FSIP1: variants seen among roughly 807,000 people sequenced by gnomAD.
FSIP1 encodes the protein fibrous sheath-interacting protein 1.
In FSIP1, 65 loss-of-function variants were observed where a neutral mutation model predicts 60.9. The observed-to-expected ratio is 1.07, with a 90% CI of 0.87 to 1.31. The LOEUF (loss-of-function observed/expected upper bound fraction) is 1.31. FSIP1 is among the 40% of genes most tolerant of loss of function. The pLI is 0.00. For synonymous variants in FSIP1, 209 were observed against 221.2 expected, an observed-to-expected ratio of 0.94 and a Z score of 0.49; for missense variants, 675 against 665.5, an observed-to-expected ratio of 1.01 and a Z score of -0.16.
intron 11 of FSIP1, among the ~76,000 whole-genome samples, chr15:39,605,902 G>C (rs950020632): frequency 6.6e-6 from 1 of 152,024 alleles, no homozygotes; most frequent in Non-Finnish European, 1.5e-5. Flanking sequence ...AAGGTGTAGA[G>C]GAGAGAGAGA....
rs140457204 is a variant in FSIP1, at chr15:39,676,820, T to C, written c.1188+36624A>G. Among the ~76,000 whole-genome samples the C allele has an allele frequency of 9.9e-5, 15 of 151,678 alleles. No homozygotes were observed. In the East Asian group the frequency reaches 2.3e-3, roughly 23 times the overall value. On this transcript the variant is annotated intron_variant, in intron 10 of 11. Coordinates refer to ENST00000350221, the MANE Select transcript of FSIP1 (RefSeq NM_152597.5). ...AAAATTAAATGTAACAGGATTACCATGAGTTTTCACTTACTATAGGTATTT... is the reference window on the plus strand; with the variant it reads ...AAAATTAAATGTAACAGGATTACCACGAGTTTTCACTTACTATAGGTATTT...
chr15:39,718,762 G>T (rs928905832), intron 9 of FSIP1, among the ~76,000 whole-genome samples: 1 of 152,158 alleles, frequency 6.6e-6, no homozygotes, highest in Non-Finnish European at 1.5e-5. Flanking sequence ...CTCTCAAAGT[G>T]CTGGGATTAC....
At chr15:39,604,086 C>T (rs1890737774) in intron 11 of FSIP1, among the ~76,000 whole-genome samples, 2 of 152,224 alleles carry the variant, frequency 1.3e-5, no homozygotes, top group Admixed American at 1.3e-4. Flanking sequence ...CATGCACCAC[C>T]ATACCCGGCT....
Position 39,775,534 on chromosome 15 carries a change from A to G in FSIP1, c.126+865T>C, listed in dbSNP as rs2140732058. ...CTGAAGAAAAAAAAAATAAGGTCAC[A>G]GCCAGATAATATCTGATATGTTTTG... On this transcript the variant is annotated intron_variant, in intron 2 of 11. Coordinates refer to ENST00000350221, the MANE Select transcript of FSIP1 (RefSeq NM_152597.5). 2.0e-5 allele frequency among the ~76,000 whole-genome samples: 3 copies of G among 152,328 alleles called. No homozygotes were observed. The South Asian group carries it at 6.2e-4, about 32-fold the overall frequency.
chr15:39,648,819 C>A (rs1240361621), intron 10 of FSIP1, among the ~76,000 whole-genome samples: 1 of 152,072 alleles, frequency 6.6e-6, no homozygotes, highest in East Asian at 1.9e-4. Context: ...AAGATGACCC[C>A]TTCAAATAAT....
chr15:39,605,068 C>T (rs926844559), intron 11 of FSIP1, among the ~76,000 whole-genome samples: 1 of 152,194 alleles, frequency 6.6e-6, no homozygotes, highest in African/African-American at 2.4e-5. Context: ...AGGCCTCATC[C>T]AGCAAGTTAC....
At chr15:39,762,777 G>T (rs1897546727) in intron 5 of FSIP1, among the ~76,000 whole-genome samples, 1 of 152,136 alleles carries the variant, frequency 6.6e-6, no homozygotes, top group Admixed American at 6.5e-5. Flanking sequence ...GTTGTTCCAG[G>T]ATAGCCAAGA....
intron 1 of FSIP1, among the ~76,000 whole-genome samples, chr15:39,778,657 T>C (rs755512026): frequency 8.5e-5 from 13 of 152,154 alleles, no homozygotes; most frequent in Non-Finnish European, 1.6e-4. Context: ...TACGTAAGCA[T>C]TGAATGTTGA....
At chr15:39,736,444 T>G (rs902505846) in intron 8 of FSIP1, among the ~76,000 whole-genome samples, 1 of 152,212 alleles carries the variant, frequency 6.6e-6, no homozygotes, top group Non-Finnish European at 1.5e-5. Flanking sequence ...CACACAGAAC[T>G]TTTTTAAATA....
At chr15:39,705,324 TA>T (rs891027660) in intron 10 of FSIP1, among the ~76,000 whole-genome samples, 2 of 151,830 alleles carry the variant, frequency 1.3e-5, no homozygotes, top group African/African-American at 4.8e-5. Flanking sequence ...CTTTATTTTT[TA>T]AAAAAAACAA....
intron 10 of FSIP1, among the ~76,000 whole-genome samples, chr15:39,682,432 G>T (rs567775118): frequency 3.9e-5 from 6 of 152,096 alleles, no homozygotes; most frequent in South Asian, 2.1e-4. Flanking sequence ...AACCTATCAT[G>T]TGCACTTGAC....
Position 39,739,723 on chromosome 15 carries a change from G to A in FSIP1, c.722C>T (p.Thr241Ile). 1.3e-6 allele frequency: 2 copies of A among 1,599,216 alleles called. No individual in the cohort carries two copies. Among genetic ancestry groups the A allele is most frequent in the Non-Finnish European group, 8.5e-7 (1 of 1,174,836 alleles). Reference sequence around the variant, plus strand: ...TTTACCCCTGAGCTCAATCTTTTCTGTATTCGAGAAAGGTTTCTTTCCTGA... The same window carrying A: ...TTTACCCCTGAGCTCAATCTTTTCTATATTCGAGAAAGGTTTCTTTCCTGA... ...IKSGKKPFSN[T>I]EKIELRGKHN... Residue 241 changes from threonine (T) to isoleucine (I), a missense_variant, in exon 7 of 12, where the codon ACA becomes ATA. Thr to Ile is a moderately conservative substitution (Grantham distance 89). Transcript: ENST00000350221.
chr15:39,764,340 T>G (rs1897608514), intron 4 of FSIP1, among the ~76,000 whole-genome samples: 1 of 152,254 alleles, frequency 6.6e-6, no homozygotes, highest in Non-Finnish European at 1.5e-5. Flanking sequence ...TAACTTTTTC[T>G]GCTAAAATTT....
At chr15:39,711,933 C>T (rs535453791) in intron 10 of FSIP1, among the ~76,000 whole-genome samples, 19 of 152,004 alleles carry the variant, frequency 1.2e-4, no homozygotes, top group African/African-American at 4.6e-4. Context: ...GCAATCTGCC[C>T]GCCTCGGCCT....
At chr15:39,746,037 C>G (rs769325044) in intron 5 of FSIP1, among the ~76,000 whole-genome samples, 11 of 152,162 alleles carry the variant, frequency 7.2e-5, no homozygotes, top group Middle Eastern at 6.8e-3. Flanking sequence ...AGTGATCATG[C>G]CACTGCACTA....
chr15:39,778,131 A>G (rs949038236), intron 1 of FSIP1, among the ~76,000 whole-genome samples: 1 of 152,228 alleles, frequency 6.6e-6, no homozygotes, highest in Non-Finnish European at 1.5e-5. Context: ...AAGCACTGAC[A>G]TTATTATTGT....
intron 5 of FSIP1, among the ~76,000 whole-genome samples, chr15:39,763,554 G>A (rs927318649): frequency 6.6e-6 from 1 of 152,130 alleles, no homozygotes; most frequent in African/African-American, 2.4e-5. Context: ...GGAAGTAAAG[G>A]CAATGACATA....
At chr15:39,634,515 AC>A (rs1159668553) in intron 10 of FSIP1, among the ~76,000 whole-genome samples, 3 of 152,146 alleles carry the variant, frequency 2.0e-5, no homozygotes, top group Admixed American at 1.3e-4. Flanking sequence ...ATCTGGCAAC[AC>A]CTGGATAGAG....
intron 5 of FSIP1, among the ~76,000 whole-genome samples, chr15:39,757,088 A>T (rs889844189): frequency 6.6e-6 from 1 of 152,134 alleles, no homozygotes; most frequent in African/African-American, 2.4e-5. Flanking sequence ...ACAATTTACA[A>T]GTGCCTGAAA....
Sources: gnomAD v4.1 joint callset for allele counts (sites outside exome capture counted in the v4.1 genomes callset) on GRCh38, gnomAD v4.1.1 for gene constraint, MANE v1.5 for transcripts, NCBI Gene and HGNC (gene_info 2026-07-23, HGNC 2026-07-21) for gene names.